PSG4: variants seen among roughly 807,000 people sequenced by gnomAD.
PSG4 encodes the protein pregnancy-specific beta-1-glycoprotein 4.
A neutral mutation model predicts 44.3 loss-of-function variants in PSG4; 61 were observed. The ratio of observed to expected loss-of-function variants is 1.38; its 90% confidence interval spans 1.12 to 1.70. The LOEUF (loss-of-function observed/expected upper bound fraction) is 1.70, where lower values mean the gene tolerates loss of function less well. Among genes scored for constraint, PSG4 ranks in the 40% most tolerant of loss-of-function variants. The probability of loss-of-function intolerance (pLI) is 0.00; values close to 1 mark genes in which losing one functional copy is unlikely to be tolerated. For synonymous variants in PSG4, 248 were observed against 191.3 expected, an observed-to-expected ratio of 1.30 and a Z score of -2.45; for missense variants, 677 against 511.7, an observed-to-expected ratio of 1.32 and a Z score of -3.12.
At chr19:43,193,608 A>T (rs1967101339) in intron 5 of PSG4, 7 of 588,132 alleles carry the variant, frequency 1.2e-5, no homozygotes, top group Non-Finnish European at 2.1e-5. Context: ...GCAATAGACC[A>T]TGTAGGCGCT....
chr19:43,205,032 C>T (rs1285498933), intron 1 of PSG4: 2 of 225,180 alleles, frequency 8.9e-6, no homozygotes, highest in Admixed American at 1.2e-4. Flanking sequence ...CTATTTTGAC[C>T]CTCTGGTGTA....
At chr19:43,203,501 T>G (rs1440754331) in intron 2 of PSG4, 2 of 199,590 alleles carry the variant, frequency 1.0e-5, no homozygotes, top group Non-Finnish European at 1.9e-5. Flanking sequence ...AGGTCTGGGG[T>G]TGAGGCTTCT....
intron 3 of PSG4, 31 bp from the exon 4 acceptor site, chr19:43,195,304 G>T: frequency 1.2e-6 from 2 of 1,603,210 alleles, no homozygotes; most frequent in Non-Finnish European, 1.7e-6. Context: ...AGATTGTCCT[G>T]TGTGGCACCT....
chr19:43,205,024 A>G lies in PSG4; in HGVS notation c.64+449T>C, dbSNP rs1322094235. On this transcript the variant is annotated intron_variant, in intron 1 of 5. Coordinates refer to ENST00000405312, the MANE Select transcript of PSG4 (RefSeq NM_002780.5). ...AATTCCGCTTCAATGTGACTTTCCT[A>G]TTTTGACCCTCTGGTGTATTTTCCC... 6.0e-5 allele frequency: 13 copies of G among 216,330 alleles called. 2 individuals carry two copies. Among genetic ancestry groups the G allele is most frequent in the South Asian group, 1.6e-4 (3 of 18,364 alleles). The allele number at this position is 216,330 out of a possible 1,614,324, so 13.4% of individuals were successfully genotyped here.
chr19:43,195,129 C>G lies in PSG4; in HGVS notation c.854G>C (p.Arg285Thr), dbSNP rs1237594307. 2 of 1,610,556 alleles carry G rather than the reference C, an allele frequency of 1.2e-6. No homozygotes were observed. Among genetic ancestry groups the G allele is most frequent in the Admixed American group, 3.3e-5 (2 of 59,862 alleles). ...LNGQSLPVSP[R>T]VKRPIENRIL... Reference sequence around the variant, plus strand: ...CCTGTTTTCAATGGGTCGCTTTACCCTGGGACTGACAGGGAGGCTCTGACC... The same window carrying G: ...CCTGTTTTCAATGGGTCGCTTTACCGTGGGACTGACAGGGAGGCTCTGACC... Residue 285 changes from arginine (R) to threonine (T), a missense_variant, in exon 4 of 6, where the codon AGG becomes ACG. Coordinates refer to ENST00000405312, the MANE Select transcript of PSG4 (RefSeq NM_002780.5).
chr19:43,203,297 T>A lies in PSG4; in HGVS notation c.430+589A>T. Reference sequence around the variant, plus strand: ...GTCTTTCTATCCTCTCCACTCTGAGTGTCAGGTGAAGAAAGCTCTGTCCTT... The same window carrying A: ...GTCTTTCTATCCTCTCCACTCTGAGAGTCAGGTGAAGAAAGCTCTGTCCTT... On this transcript the variant is annotated intron_variant, in intron 2 of 5. Transcript: ENST00000405312. 2 of 148,628 alleles carry A rather than the reference T, an allele frequency of 1.3e-5. 1 individual carries two copies. 9.2% of individuals were successfully genotyped at this position (148,628 alleles called of 1,614,324 possible).
intron 1 of PSG4, chr19:43,204,826 TC>T (rs67183694): frequency 0.6 from 240,183 of 398,784 alleles, 84,195 homozygotes; most frequent in East Asian, 0.82. Context: ...TCTGGATGTT[TC>T]TTTTTCCCCC....
chr19:43,200,366 GT>G (rs200968941), intron 2 of PSG4, among the ~76,000 whole-genome samples: 7,439 of 108,046 alleles, frequency 0.069, 856 homozygotes, highest in South Asian at 0.093. Flanking sequence ...CTTTGTAGTT[GT>G]CCCACAACTA....
In PSG4 at chr19:43,204,299, G is replaced by C. The variant is rs186540303; in HGVS notation, c.65-48C>G. 206 of 1,507,390 alleles carry C rather than the reference G, an allele frequency of 1.4e-4. 16 individuals carry two copies. In the Admixed American group the frequency reaches 4.0e-3, roughly 30 times the overall value. The allele number at this position is 1,507,390 out of a possible 1,614,324, so 93.4% of individuals were successfully genotyped here. ...GTTAATATTGAGACCTATGTATTGG[G>C]GTGAAAAGATGGGTCCTGAGAAGGT... is the stretch of plus-strand genomic sequence containing the variant. On this transcript the variant is annotated intron_variant, in intron 1 of 5. Transcript: ENST00000405312.
chr19:43,198,232 G>T lies in PSG4; in HGVS notation c.474C>A (p.Pro158=), dbSNP rs761105504. 1 of 1,587,380 alleles carries T rather than the reference G, an allele frequency of 6.3e-7. No individual in the cohort carries two copies. The highest frequency in any genetic ancestry group is 8.5e-7 in the Non-Finnish European group (1 of 1,171,772). ...KPSISSSNLN[P]REAMEAVILT... ...AGATCACAGCCTCCATGGCCTCCCT[G>T]GGATTTAAGTTGCTGCTGGAGATGG... is the stretch of plus-strand genomic sequence containing the variant. Residue 158 remains proline, a synonymous_variant, in exon 3 of 6, where the codon CCC becomes CCA. Coordinates refer to ENST00000405312, the MANE Select transcript of PSG4 (RefSeq NM_002780.5).
chr19:43,198,749 G>T (rs191092983), intron 2 of PSG4: 5 of 161,406 alleles, frequency 3.1e-5, no homozygotes, highest in Non-Finnish European at 2.6e-5. Context: ...AACCCTTTGG[G>T]TACTGGAAAG....
intron 2 of PSG4, among the ~76,000 whole-genome samples, chr19:43,200,560 G>A (rs903472236): frequency 7.9e-6 from 1 of 126,926 alleles, no homozygotes; most frequent in Non-Finnish European, 1.6e-5. Context: ...AGCATCAAAA[G>A]CATTCTTCAT....
chr19:43,203,806 C>T lies in PSG4; in HGVS notation c.430+80G>A, dbSNP rs1967626900. On this transcript the variant is annotated intron_variant, in intron 2 of 5. Transcript: ENST00000405312. Reference sequence around the variant, plus strand: ...ATGCAGAGAGGGACACAGGCAGAGTCCAGGCCTGAGAATCCTGTGTGTGTG... The same window carrying T: ...ATGCAGAGAGGGACACAGGCAGAGTTCAGGCCTGAGAATCCTGTGTGTGTG... The T allele has an allele frequency of 2.3e-5, 36 of 1,551,200 alleles. 2 individuals carry two copies. The South Asian group carries it at 4.1e-4, about 18-fold the overall frequency.
chr19:43,194,148 A>T (rs7249880), intron 5 of PSG4, 192 bp downstream of exon 5: 345,920 of 1,469,382 alleles, frequency 0.24, 48,138 homozygotes, highest in Non-Finnish European at 0.27. Context: ...GGGAATTTTA[A>T]GAAGATATCA....
At position 43,193,377 on chromosome 19, in the gene PSG4, G is replaced by T. The variant is rs1363683226; in HGVS notation, c.1255C>A (p.Pro419Thr). ...ATTGGAGGAACTAGTAGAATTCAGG[G>T]TAATATCCAGTCTACAGGTGGATAA... ...ITVKVSDWILP is the reference protein window; with the variant it reads ...ITVKVSDWILT The change falls in exon 6 of 6, where the codon CCC (proline) becomes ACC (threonine). Residue 419 changes from proline (P) to threonine (T), a missense_variant. By Grantham distance (38) the Pro-to-Thr change is conservative. Coordinates refer to ENST00000405312, the MANE Select transcript of PSG4 (RefSeq NM_002780.5). 1.3e-6 allele frequency: 1 copy of T among 773,236 alleles called. No homozygotes were observed. Among genetic ancestry groups the T allele is most frequent in the South Asian group, 1.3e-5 (1 of 74,590 alleles). The allele number at this position is 773,236 out of a possible 1,614,324, so 47.9% of individuals were successfully genotyped here.
chr19:43,199,738 A>G (rs895055424), intron 2 of PSG4, among the ~76,000 whole-genome samples: 3 of 145,704 alleles, frequency 2.1e-5, no homozygotes, highest in Non-Finnish European at 4.5e-5. Flanking sequence ...ATTTGGAGGA[A>G]ACATTAAAAT....
intron 2 of PSG4, among the ~76,000 whole-genome samples, chr19:43,199,960 G>A (rs62116473): frequency 0.068 from 9,788 of 144,776 alleles, 1,261 homozygotes; most frequent in Middle Eastern, 0.082. Context: ...TGGTCAGTGC[G>A]TCAATTACAT....
At chr19:43,197,089 T>C (rs1967283137) in intron 3 of PSG4, among the ~76,000 whole-genome samples, 3 of 146,020 alleles carry the variant, frequency 2.1e-5, no homozygotes, top group Admixed American at 6.8e-5. Context: ...TTTATTCCTT[T>C]TGATGTTAAT....
At chr19:43,205,399 C>T in intron 1 of PSG4, 74 bp downstream of exon 1, 3 of 1,436,126 alleles carry the variant, frequency 2.1e-6, no homozygotes, top group Non-Finnish European at 2.8e-6. Flanking sequence ...TTCAGAACCC[C>T]ATCCTCTCCA....
Sources: allele counts gnomAD v4.1 joint callset (sites outside exome capture counted in the v4.1 genomes callset), GRCh38; gene constraint gnomAD v4.1.1; transcripts MANE v1.5; gene names NCBI Gene and HGNC (gene_info 2026-07-23, HGNC 2026-07-21).